The following SLC12A8 variants were observed in gnomAD, a reference collection of about 807,000 sequenced individuals.
The protein encoded by SLC12A8 is solute carrier family 12 member 8.
A neutral mutation model predicts 75.6 loss-of-function variants in SLC12A8; 69 were observed. The observed-to-expected ratio is 0.91, with a 90% CI of 0.75 to 1.11. The LOEUF (loss-of-function observed/expected upper bound fraction) is 1.11. Ranked by LOEUF, SLC12A8 falls within the 50% of genes most tolerant of loss-of-function variation. SLC12A8 has a pLI of 0.00. For synonymous variants in SLC12A8, 365 were observed against 372.8 expected (o/e 0.98, Z 0.24); for missense variants, 877 against 896.7 (o/e 0.98, Z 0.28).
At chr3:125,087,176 C>A (rs999897331) in intron 13 of SLC12A8, among the ~76,000 whole-genome samples, 1 of 149,322 alleles carries the variant, frequency 6.7e-6, no homozygotes, top group Non-Finnish European at 1.5e-5. Flanking sequence ...CTCACAGTAA[C>A]CTCTGCCTCT....
chr3:125,188,999 T>C lies in SLC12A8; in HGVS notation c.198+1376A>G, dbSNP rs142690929. On this transcript the variant is annotated intron_variant, in intron 3 of 13. Transcript: ENST00000469902. ...CCAAATTTGCCTATGTAATGGTTAATTTTATATGTCAACTTGGCTAGACTA... is the reference window on the plus strand; with the variant it reads ...CCAAATTTGCCTATGTAATGGTTAACTTTATATGTCAACTTGGCTAGACTA... 7.9e-5 allele frequency among the ~76,000 whole-genome samples: 12 copies of C among 152,348 alleles called. No homozygotes were observed. The East Asian group carries it at 2.3e-3, about 29-fold the overall frequency.
intron 2 of SLC12A8, among the ~76,000 whole-genome samples, chr3:125,201,494 G>A (rs530844572): frequency 6.6e-6 from 1 of 152,172 alleles, no homozygotes; most frequent in South Asian, 2.1e-4. Context: ...ATGCATCAAA[G>A]CCGGGTGAGG....
At chr3:125,202,412 AG>A (rs1254762944) in intron 2 of SLC12A8, among the ~76,000 whole-genome samples, 1 of 152,218 alleles carries the variant, frequency 6.6e-6, no homozygotes, top group African/African-American at 2.4e-5. Flanking sequence ...CCAGAGTAAA[AG>A]CACCACCTAA....
At chr3:125,101,019 CA>C (rs59602383) in intron 10 of SLC12A8, among the ~76,000 whole-genome samples, 32 of 86,730 alleles carry the variant, frequency 3.7e-4, no homozygotes, top group South Asian at 2.1e-3. Flanking sequence ...GACTCCGTCT[CA>C]AAAAAAAAAA....
chr3:125,193,525 G>A (rs1344721225), intron 2 of SLC12A8, among the ~76,000 whole-genome samples: 10 of 152,368 alleles, frequency 6.6e-5, no homozygotes, highest in East Asian at 3.9e-4. Flanking sequence ...GCTCCCTTGC[G>A]TCGTGAGAGC....
intron 10 of SLC12A8, among the ~76,000 whole-genome samples, chr3:125,097,107 G>A (rs529485365): frequency 1.1e-4 from 17 of 152,154 alleles, no homozygotes; most frequent in South Asian, 4.2e-4. Context: ...ACACTAGGCC[G>A]GGCACAGTGG....
chr3:125,201,221 T>C (rs759632310), intron 2 of SLC12A8, among the ~76,000 whole-genome samples: 13 of 151,914 alleles, frequency 8.6e-5, no homozygotes, highest in Non-Finnish European at 1.2e-4. Flanking sequence ...CTGGGAAACA[T>C]AGTGAGACCC....
chr3:125,160,397 T>C (rs1001742657), intron 5 of SLC12A8, among the ~76,000 whole-genome samples: 6 of 152,240 alleles, frequency 3.9e-5, no homozygotes, highest in Non-Finnish European at 7.3e-5. Context: ...GTGCCCGGCA[T>C]ATAGTAATGC....
Position 125,125,401 on chromosome 3 carries a change from T to C in SLC12A8, c.737-4715A>G, listed in dbSNP as rs556467973. Among the ~76,000 whole-genome samples the C allele has an allele frequency of 1.3e-4, 19 of 151,942 alleles. No individual in the cohort carries two copies. In the East Asian group the frequency reaches 3.7e-3, roughly 29 times the overall value. ...TGTGAAACCCCGCGTCTACTAAAAATACAAAAAATTAGCCAGGCATGGTGG... is the reference window on the plus strand; with the variant it reads ...TGTGAAACCCCGCGTCTACTAAAAACACAAAAAATTAGCCAGGCATGGTGG... On this transcript the variant is annotated intron_variant, in intron 6 of 13. Transcript: ENST00000469902.
At chr3:125,197,826 G>GCAGC (rs1935035229) in intron 2 of SLC12A8, among the ~76,000 whole-genome samples, 2 of 152,192 alleles carry the variant, frequency 1.3e-5, no homozygotes, top group Non-Finnish European at 2.9e-5. Context: ...TCACCATTTT[G>GCAGC]CAGCCATCAC....
In SLC12A8 at chr3:125,083,914, C is replaced by G. The variant is rs1216867696; in HGVS notation, c.2121G>C (p.Arg707=). 6.2e-7 allele frequency: 1 copy of G among 1,613,160 alleles called. No individual in the cohort carries two copies. The highest frequency in any genetic ancestry group is 8.5e-7 in the Non-Finnish European group (1 of 1,179,710). Reference sequence around the variant, plus strand: ...TCTAGTAGTGAGGCATCAGCTGCTCCCGGTTCACGAGGGAGGAGTGGTGGT... The same window carrying G: ...TCTAGTAGTGAGGCATCAGCTGCTCGCGGTTCACGAGGGAGGAGTGGTGGT... ...DRYHHSSLVN[R]EQLMPHY The change falls in exon 14 of 14, where the codon CGG becomes CGC. Residue 707 remains arginine (R), a synonymous_variant. Coordinates refer to ENST00000469902, the MANE Select transcript of SLC12A8 (RefSeq NM_024628.6).
rs1483343160 is a variant in SLC12A8 at position 125,083,806 on chromosome 3, T to C, written c.*84A>G. The stretch of plus-strand genomic sequence containing the variant: ...AGGATGGGTCTTGAGTTTCTCAGGT[T>C]GGAGAAGCAGCTCCACGAAGGTCCT... On this transcript the variant is annotated 3_prime_UTR_variant, in exon 14 of 14. Coordinates refer to ENST00000469902, the MANE Select transcript of SLC12A8 (RefSeq NM_024628.6). 13 of 1,352,994 alleles carry C rather than the reference T, an allele frequency of 9.6e-6. No individual in the cohort carries two copies. Among genetic ancestry groups the C allele is most frequent in the Non-Finnish European group, 1.3e-5 (13 of 984,598 alleles). 83.8% of individuals were successfully genotyped at this position (1,352,994 alleles called of 1,614,324 possible).
intron 1 of SLC12A8, among the ~76,000 whole-genome samples, chr3:125,211,732 AC>A (rs1488010698): frequency 6.6e-6 from 1 of 151,790 alleles, no homozygotes; most frequent in Non-Finnish European, 1.5e-5. Context: ...CTCCTCTCCC[AC>A]CCTCAAGTGC....
chr3:125,152,461 T>A (rs1474392909), intron 5 of SLC12A8, among the ~76,000 whole-genome samples: 2 of 152,236 alleles, frequency 1.3e-5, no homozygotes, highest in African/African-American at 4.8e-5. Flanking sequence ...TTCTAGAGTG[T>A]CATATCTTTA....
At position 125,187,236 on chromosome 3, in the gene SLC12A8, C is replaced by G. The variant is rs758525816; in HGVS notation, c.390+1G>C. ...GGAAGCATCCCGGGCGCAGGCCTCA[C>G]CTGTCCAAACACATAGAGCAGCCCG... On this transcript the variant is annotated splice_donor_variant, in intron 4 of 13. Coordinates refer to ENST00000469902, the MANE Select transcript of SLC12A8 (RefSeq NM_024628.6). LOFTEE classifies it high-confidence loss of function. 3.1e-6 allele frequency: 5 copies of G among 1,613,720 alleles called. No homozygotes were observed. The Admixed American group carries it at 8.3e-5, about 27-fold the overall frequency.
At chr3:125,137,931 G>A (rs199541955) in intron 5 of SLC12A8, among the ~76,000 whole-genome samples, 1 of 146,106 alleles carries the variant, frequency 6.8e-6, no homozygotes, top group African/African-American at 2.7e-5. Context: ...ACGCTCACAC[G>A]CTCACGCTCA....
chr3:125,196,022 A>C (rs1375158618), intron 2 of SLC12A8, among the ~76,000 whole-genome samples: 3 of 152,250 alleles, frequency 2.0e-5, no homozygotes, highest in African/African-American at 2.4e-5. Flanking sequence ...CATCAGCTGC[A>C]AAAAGGTTAT....
chr3:125,147,541 A>G (rs569438100), intron 5 of SLC12A8, among the ~76,000 whole-genome samples: 4 of 152,258 alleles, frequency 2.6e-5, no homozygotes, highest in Admixed American at 6.5e-5. Flanking sequence ...CCTCAAGGTC[A>G]GAGACAAGTT....
intron 5 of SLC12A8, among the ~76,000 whole-genome samples, chr3:125,176,111 C>T (rs974948549): frequency 1.9e-4 from 29 of 152,154 alleles, no homozygotes; most frequent in African/African-American, 7.0e-4. Flanking sequence ...GGTGCACATC[C>T]GGGCTGGCCT....
Sources: allele counts gnomAD v4.1 joint callset (sites outside exome capture counted in the v4.1 genomes callset), GRCh38; gene constraint gnomAD v4.1.1; transcripts MANE v1.5; gene names NCBI Gene and HGNC (gene_info 2026-07-23, HGNC 2026-07-21).